The following CLTC variants were observed in gnomAD, a reference collection of about 807,000 sequenced individuals.
CLTC encodes the protein clathrin heavy chain, also known as clathrin heavy chain 1.
A neutral mutation model predicts 195.8 loss-of-function variants in CLTC; 16 were observed. The ratio of observed to expected loss-of-function variants is 0.08; its 90% CI spans 0.06 to 0.12. The LOEUF (loss-of-function observed/expected upper bound fraction) is 0.12. CLTC is among the 10% of genes least tolerant of loss of function. The pLI is 1.00. For synonymous variants in CLTC, 667 were observed against 689.4 expected, an observed-to-expected ratio of 0.97 and a Z score of 0.51; for missense variants, 796 against 2,027.0, an observed-to-expected ratio of 0.39 and a Z score of 11.66.
chr17:59,630,180 T>A (rs1490201412), intron 1 of CLTC, among the ~76,000 whole-genome samples: 1 of 152,092 alleles, frequency 6.6e-6, no homozygotes, highest in Non-Finnish European at 1.5e-5. Context: ...TTTGTATTTT[T>A]TTGTAGAAAT....
Position 59,619,933 on chromosome 17 carries a change from T to G in CLTC, c.-199T>G. On this transcript the variant is annotated 5_prime_UTR_variant, in exon 1 of 32. Transcript: ENST00000269122. ...GTCTGCGCTGCGCCCGGTTCCGCCA[T>G]TGCGGCTCTCCTGGCCCCTGGAGCC... is the stretch of plus-strand genomic sequence containing the variant. 1.8e-6 allele frequency: 1 copy of G among 546,222 alleles called. No individual in the cohort carries two copies. The highest frequency in any genetic ancestry group is 3.3e-6 in the Non-Finnish European group (1 of 304,928). 33.8% of individuals were successfully genotyped at this position (546,222 alleles called of 1,614,324 possible). A position where few individuals can be genotyped will look rare whatever the true frequency, so the allele number is the denominator to read the frequency against.
At chr17:59,661,223 C>A (rs1485005557) in intron 7 of CLTC, among the ~76,000 whole-genome samples, 1 of 150,616 alleles carries the variant, frequency 6.6e-6, no homozygotes, top group Non-Finnish European at 1.5e-5. Context: ...TAACATTGAA[C>A]CAGGGGTATG....
chr17:59,667,025 A>G (rs2032747287), intron 13 of CLTC, 48 bp downstream of exon 13: 5 of 1,477,992 alleles, frequency 3.4e-6, no homozygotes, highest in Admixed American at 3.7e-5. Context: ...AAGGTAGCCA[A>G]GAAGAGGTAT....
At position 59,685,193 on chromosome 17, in the gene CLTC, T is replaced by C; in HGVS notation, c.4572T>C (p.Ser1524=). ...AAGGCAACAATCGCTGGAAACAGAG[T>C]GTAGAGCTGTGCAAGAAAGACAGCC... ...LFKGNNRWKQ[S]VELCKKDSLY... The change falls in exon 29 of 32, where the codon AGT becomes AGC. Residue 1524 remains serine, a synonymous_variant. Transcript: ENST00000269122. The surrounding 1 kb of genome is among the most constrained non-coding windows in gnomAD (Gnocchi z 5.0). The C allele has an allele frequency of 2.5e-6, 4 of 1,608,824 alleles. No homozygotes were observed. Among genetic ancestry groups the C allele is most frequent in the Non-Finnish European group, 3.4e-6 (4 of 1,176,414 alleles).
chr17:59,693,565 T>C (rs763393903), intron 31 of CLTC, among the ~76,000 whole-genome samples, 163 bp from the exon 32 acceptor site: 7 of 152,142 alleles, frequency 4.6e-5, no homozygotes, highest in Non-Finnish European at 8.8e-5. Flanking sequence ...AGAGTAAGAC[T>C]GTCATGCTAA....
At chr17:59,640,509 G>A (rs149985646) in intron 1 of CLTC, among the ~76,000 whole-genome samples, 2 of 151,658 alleles carry the variant, frequency 1.3e-5, no homozygotes, top group African/African-American at 4.8e-5. Flanking sequence ...CGATTCTCCT[G>A]CCTCAGCCTC....
Position 59,647,563 on chromosome 17 carries a change from T to C in CLTC, c.416T>C (p.Val139Ala), listed in dbSNP as rs746192458. ...HWSMEGESQP[V>A]KMFDRHSSLA... ...AGTATGGAAGGAGAGTCTCAGCCAG[T>C]GAAAATGTTTGATCGCCATTCTAGC... Residue 139 changes from valine to alanine, a missense_variant, in exon 3 of 32, where the codon GTG (valine) becomes GCG (alanine). This residue lies in a region of CLTC where 293 missense variants were observed against 795.6 expected (regional missense o/e 0.37). Coordinates refer to ENST00000269122, the MANE Select transcript of CLTC (RefSeq NM_004859.4). 6.2e-7 allele frequency: 1 copy of C among 1,614,186 alleles called. No individual in the cohort carries two copies. The highest frequency in any genetic ancestry group is 1.1e-5 in the South Asian group (1 of 91,090).
chr17:59,661,391 A>G, intron 7 of CLTC, 52 bp from the exon 8 acceptor site: 1 of 1,453,994 alleles, frequency 6.9e-7, no homozygotes, highest in Non-Finnish European at 9.7e-7. Flanking sequence ...AGCGTTTAAC[A>G]TTTCTCCTTC....
rs182241612 is a variant in CLTC, at chr17:59,655,824, T to C, written c.796-30T>C. 4 of 1,486,624 alleles carry C rather than the reference T, an allele frequency of 2.7e-6. No homozygotes were observed. In the South Asian group the frequency reaches 4.2e-5, roughly 16 times the overall value. The allele number at this position is 1,486,624 out of a possible 1,614,324, so 92.1% of individuals were successfully genotyped here. On this transcript the variant is annotated intron_variant, in intron 5 of 31. Transcript: ENST00000269122. The stretch of plus-strand genomic sequence containing the variant: ...TATTTTCTGTTTGTAGATTCATTAT[T>C]TTACTAAAGTGTTGATTTTCTTTCT...
chr17:59,681,188 C>A lies in CLTC; in HGVS notation c.3066-107C>A. ...TCTCACTCTTCTAATATCCTCCCCCCTACCCTACCTCTTGAGACAAAAACC... is the reference window on the plus strand; with the variant it reads ...TCTCACTCTTCTAATATCCTCCCCCATACCCTACCTCTTGAGACAAAAACC... On this transcript the variant is annotated intron_variant, in intron 19 of 31. Transcript: ENST00000269122. The surrounding 1 kb of genome is among the most constrained non-coding windows in gnomAD (Gnocchi z 5.0). The A allele has an allele frequency of 4.2e-6, 6 of 1,441,612 alleles. No homozygotes were observed. Among genetic ancestry groups the A allele is most frequent in the Non-Finnish European group, 5.7e-6 (6 of 1,058,520 alleles). 89.3% of individuals were successfully genotyped at this position (1,441,612 alleles called of 1,614,324 possible).
rs749311586 is a variant in CLTC, at chr17:59,648,216, G to A, written c.520-24G>A. 1.5e-5 allele frequency: 24 copies of A among 1,584,646 alleles called. No individual in the cohort carries two copies. Among genetic ancestry groups the A allele is most frequent in the African/African-American group, 1.5e-4 (11 of 73,716 alleles). ...GTTTTTGATTTATGGGTCTTCAAAC[G>A]TTATTCTCTTTGATCCTTTATAGCA... On this transcript the variant is annotated intron_variant, in intron 3 of 31. Transcript: ENST00000269122. This position sits in a 1 kb window ranked among gnomAD's most constrained non-coding sequence, Gnocchi z 4.5.
chr17:59,667,197 A>G (rs1286049305), intron 13 of CLTC: 1 of 333,066 alleles, frequency 3.0e-6, no homozygotes, highest in Non-Finnish European at 5.4e-6. Flanking sequence ...TTATAGATGA[A>G]TTAAAGGTAG....
At chr17:59,650,846 C>G (rs961353400) in intron 4 of CLTC, among the ~76,000 whole-genome samples, 2 of 152,064 alleles carry the variant, frequency 1.3e-5, no homozygotes, top group African/African-American at 4.8e-5. Flanking sequence ...CAGTGATTTC[C>G]CTTATGACTG....
At chr17:59,658,134 C>T (rs1318062838) in intron 6 of CLTC, among the ~76,000 whole-genome samples, 1 of 152,026 alleles carries the variant, frequency 6.6e-6, no homozygotes, top group Non-Finnish European at 1.5e-5. Flanking sequence ...ACCCATGAGG[C>T]AGAGGTTGCT....
In CLTC at chr17:59,681,071, G is replaced by C; in HGVS notation, c.3065+14G>C. The C allele has an allele frequency of 6.2e-7, 1 of 1,611,702 alleles. No individual in the cohort carries two copies. The highest frequency in any genetic ancestry group is 8.5e-7 in the Non-Finnish European group (1 of 1,178,994). ...CAGTGAACACAGGTATGCTTTCAGA[G>C]GGATCCATTGGCTATTTATAGTCAG... On this transcript the variant is annotated intron_variant, in intron 19 of 31. Transcript: ENST00000269122. This position sits in a 1 kb window ranked among gnomAD's most constrained non-coding sequence, Gnocchi z 5.0.
At chr17:59,643,132 G>GGTGTGTGTGT (rs59380117) in intron 1 of CLTC, among the ~76,000 whole-genome samples, 2,765 of 142,256 alleles carry the variant, frequency 0.019, 78 homozygotes, top group African/African-American at 0.05. Flanking sequence ...TCTTTTCTGG[G>GGTGTGTGTGT]GTGTGTGTGT....
Position 59,676,996 on chromosome 17 carries a change from G to T in CLTC, c.2604G>T (p.Glu868Asp). Residue 868 changes from glutamate (E) to aspartate (D), a missense_variant, in exon 17 of 32, where the codon GAG becomes GAT. Glu to Asp is a conservative substitution (Grantham distance 45, BLOSUM62 2). Transcript: ENST00000269122. ...CTTGGCTAGAGGCCAGAATTCATGA[G>T]GGCTGTGAGGAGCCTGCTACTCACA... ...LLPWLEARIH[E>D]GCEEPATHNA... The T allele has an allele frequency of 6.2e-7, 1 of 1,614,076 alleles. No homozygotes were observed. The highest frequency in any genetic ancestry group is 8.5e-7 in the Non-Finnish European group (1 of 1,180,002).
rs2033074540 is a variant in CLTC at position 59,681,201 on chromosome 17, TG to T, written c.3066-93del. The T allele has an allele frequency of 1.5e-5, 22 of 1,465,892 alleles. No individual in the cohort carries two copies. The highest frequency in any genetic ancestry group is 1.9e-5 in the Non-Finnish European group (21 of 1,080,778). 90.8% of individuals were successfully genotyped at this position (1,465,892 alleles called of 1,614,324 possible). On this transcript the variant is annotated intron_variant, in intron 19 of 31. Transcript: ENST00000269122. The surrounding 1 kb of genome is among the most constrained non-coding windows in gnomAD (Gnocchi z 5.0). ...ATATCCTCCCCCCTACCCTACCTCTTGAGACAAAAACCTCTCCGTTAGTCAC... is the reference window on the plus strand; with the variant it reads ...ATATCCTCCCCCCTACCCTACCTCTTAGACAAAAACCTCTCCGTTAGTCAC...
chr17:59,683,268 C>T lies in CLTC; in HGVS notation c.4041+6C>T. 6.2e-7 allele frequency: 1 copy of T among 1,613,346 alleles called. No homozygotes were observed. The highest frequency in any genetic ancestry group is 8.5e-7 in the Non-Finnish European group (1 of 1,179,574). Reference sequence around the variant, plus strand: ...CTAGAGTGAATATTCCCAAGGTAACCAGTCATTGTAACACAGTGAAGCAAC... The same window carrying T: ...CTAGAGTGAATATTCCCAAGGTAACTAGTCATTGTAACACAGTGAAGCAAC... On this transcript the variant is annotated splice_donor_region_variant and intron_variant, in intron 25 of 31. Transcript: ENST00000269122. This position sits in a 1 kb window ranked among gnomAD's most constrained non-coding sequence, Gnocchi z 6.1.
Sources: allele counts gnomAD v4.1 joint callset (sites outside exome capture counted in the v4.1 genomes callset), GRCh38; gene constraint gnomAD v4.1.1; regional missense constraint gnomAD v4.1.1; non-coding constraint Gnocchi (gnomAD v3.1); transcripts MANE v1.5; gene names NCBI Gene and HGNC (gene_info 2026-07-23, HGNC 2026-07-21).